The following RBFOX1 variants were observed in gnomAD, a reference collection of about 807,000 sequenced individuals.
RBFOX1 encodes the protein RNA binding fox-1 homolog 1, also known as RNA binding protein fox-1 homolog 1.
Under a neutral mutation model 57.7 loss-of-function variants are expected in RBFOX1, and 8 were observed. That is an observed-to-expected ratio of 0.14 (90% confidence interval 0.08 to 0.25). The LOEUF (loss-of-function observed/expected upper bound fraction) is 0.25, where lower values mean the gene tolerates loss of function less well. Ranked by LOEUF, RBFOX1 falls within the 10% of genes least tolerant of loss-of-function variation. The pLI, the probability that RBFOX1 is intolerant of heterozygous loss-of-function variation, is 1.00. For missense variants in RBFOX1, 611 were observed against 548.5 expected (o/e 1.11, Z -1.14); for synonymous variants, 326 against 222.4 (o/e 1.47, Z -4.15).
intron 2 of RBFOX1, among the ~76,000 whole-genome samples, chr16:6,360,053 A>C (rs1238843921): frequency 6.6e-6 from 1 of 152,182 alleles, no homozygotes; most frequent in Admixed American, 6.5e-5. Flanking sequence ...GGTTGTGATT[A>C]TGTGAATTAT....
intron 3 of RBFOX1, among the ~76,000 whole-genome samples, chr16:6,751,879 A>T (rs1449950222): frequency 6.6e-6 from 1 of 152,148 alleles, no homozygotes; most frequent in South Asian, 2.1e-4. Flanking sequence ...TTAGATGGAG[A>T]TGCGCTGCTG....
chr16:7,163,075 C>G (rs143691842), intron 4 of RBFOX1, among the ~76,000 whole-genome samples: 98 of 152,290 alleles, frequency 6.4e-4, no homozygotes, highest in Middle Eastern at 3.4e-3. Context: ...GTTTATCTGC[C>G]AAGCACAGTA....
intron 2 of RBFOX1, among the ~76,000 whole-genome samples, chr16:5,577,726 C>A (rs996501920): frequency 2.0e-5 from 3 of 152,128 alleles, no homozygotes; most frequent in African/African-American, 7.2e-5. Flanking sequence ...GGGCAGTGTG[C>A]CATGATCAAA....
chr16:5,246,235 G>C (rs1449438950), intron 1 of RBFOX1, among the ~76,000 whole-genome samples: 1 of 152,162 alleles, frequency 6.6e-6, no homozygotes, highest in East Asian at 1.9e-4. Context: ...GACAGAGCGA[G>C]ACTCTGTTTC....
intron 3 of RBFOX1, among the ~76,000 whole-genome samples, chr16:5,663,483 G>C (rs1263124653): frequency 6.6e-6 from 1 of 151,970 alleles, no homozygotes; most frequent in Non-Finnish European, 1.5e-5. Context: ...GGTATTAAAT[G>C]CATGAGCTAC....
At chr16:6,078,812 T>A (rs1395059969) in intron 1 of RBFOX1, among the ~76,000 whole-genome samples, 1 of 152,236 alleles carries the variant, frequency 6.6e-6, no homozygotes, top group Non-Finnish European at 1.5e-5. Flanking sequence ...GGATTTTCCA[T>A]GTCTTTAAGT....
chr16:6,682,918 G>A (rs1039080059), intron 3 of RBFOX1, among the ~76,000 whole-genome samples: 2 of 145,300 alleles, frequency 1.4e-5, no homozygotes, highest in South Asian at 2.3e-4. Flanking sequence ...AAAACTATGA[G>A]AGCCAAAATT....
At chr16:6,649,080 C>G (rs749583697) in intron 2 of RBFOX1, among the ~76,000 whole-genome samples, 1 of 152,108 alleles carries the variant, frequency 6.6e-6, no homozygotes, top group Non-Finnish European at 1.5e-5. Context: ...AATTTTATGT[C>G]TTTAGGCCCA....
intron 2 of RBFOX1, among the ~76,000 whole-genome samples, chr16:5,546,964 A>C (rs1207046755): frequency 6.6e-6 from 1 of 152,212 alleles, no homozygotes; most frequent in African/African-American, 2.4e-5. Context: ...CATTTTACCA[A>C]ATTAGATATA....
At chr16:7,681,346 C>G (rs1358294324) in intron 14 of RBFOX1, among the ~76,000 whole-genome samples, 1 of 152,016 alleles carries the variant, frequency 6.6e-6, no homozygotes, top group African/African-American at 2.4e-5. Flanking sequence ...TCATCATAAG[C>G]TAAATACAGA....
intron 4 of RBFOX1, among the ~76,000 whole-genome samples, chr16:7,165,904 C>T (rs1041166350): frequency 6.7e-6 from 1 of 150,264 alleles, no homozygotes; most frequent in Admixed American, 6.7e-5. Context: ...TTCTCTGTCT[C>T]TTGCCCCCTG....
intron 1 of RBFOX1, among the ~76,000 whole-genome samples, chr16:6,059,621 A>G (rs1567354415): frequency 6.6e-6 from 1 of 152,052 alleles, no homozygotes; most frequent in Admixed American, 6.6e-5. Context: ...GAGTAAATAT[A>G]TTTTTGACAC....
intron 2 of RBFOX1, among the ~76,000 whole-genome samples, chr16:6,523,621 C>T (rs1484046758): frequency 6.6e-6 from 1 of 152,244 alleles, no homozygotes; most frequent in Admixed American, 6.5e-5. Context: ...TTTTCACATT[C>T]TCAAGATTTT....
chr16:5,625,107 G>A (rs1269908710), intron 3 of RBFOX1, among the ~76,000 whole-genome samples: 2 of 152,128 alleles, frequency 1.3e-5, no homozygotes, highest in African/African-American at 2.4e-5. Context: ...TGGACCCAGC[G>A]TTACCATTTT....
At chr16:5,566,941 G>A (rs530271240) in intron 2 of RBFOX1, among the ~76,000 whole-genome samples, 1 of 152,244 alleles carries the variant, frequency 6.6e-6, no homozygotes, top group African/African-American at 2.4e-5. Flanking sequence ...ATTTCCATGT[G>A]TCGCAATTCA....
At chr16:5,625,549 T>TATTTATTTATTC (rs1473808502) in intron 3 of RBFOX1, among the ~76,000 whole-genome samples, 1 of 150,898 alleles carries the variant, frequency 6.6e-6, no homozygotes, top group Admixed American at 6.6e-5. Flanking sequence ...TTTATTTACT[T>TATTTATTTATTC]ATTTATTTAT....
At chr16:6,325,596 G>C (rs1393027121) in intron 2 of RBFOX1, among the ~76,000 whole-genome samples, 2 of 152,132 alleles carry the variant, frequency 1.3e-5, no homozygotes, top group Non-Finnish European at 2.9e-5. Flanking sequence ...GAAGACATTA[G>C]TGAATCTGGA....
At chr16:6,797,019 A>T (rs2084220733) in intron 3 of RBFOX1, among the ~76,000 whole-genome samples, 1 of 152,144 alleles carries the variant, frequency 6.6e-6, no homozygotes, top group African/African-American at 2.4e-5. Context: ...AAATGTCAAG[A>T]TTTGGACTGC....
intron 4 of RBFOX1, among the ~76,000 whole-genome samples, chr16:7,427,233 G>T (rs1391546536): frequency 6.6e-6 from 1 of 152,094 alleles, no homozygotes; most frequent in Non-Finnish European, 1.5e-5. Flanking sequence ...CCTGCATGTT[G>T]TGCACATGTA....
Sources: allele counts gnomAD v4.1 joint callset (sites outside exome capture counted in the v4.1 genomes callset), GRCh38; gene constraint gnomAD v4.1.1; transcripts MANE v1.5; gene names NCBI Gene and HGNC (gene_info 2026-07-23, HGNC 2026-07-21).